The following RASEF variants were observed in gnomAD, a reference collection of about 807,000 sequenced individuals.
RASEF encodes ras and EF-hand domain-containing protein.
Under a neutral mutation model 90.1 loss-of-function variants are expected in RASEF, and 68 were observed. The observed-to-expected ratio is 0.75, with a 90% CI of 0.62 to 0.92. The LOEUF is 0.92. Ranked by LOEUF, RASEF falls within the 40% of genes least tolerant of loss-of-function variation. RASEF has a pLI of 0.00. For synonymous variants in RASEF, 331 were observed against 345.2 expected (o/e 0.96, Z 0.46); for missense variants, 949 against 937.2 (o/e 1.01, Z -0.16).
chr9:83,084,509 T>G, the RASEF span, among the ~76,000 whole-genome samples: 7 of 152,202 alleles, frequency 4.6e-5, no homozygotes, highest in African/African-American at 1.7e-4. Context: ...TCCTATTTGT[T>G]AGGTGGGAAT....
the RASEF span, among the ~76,000 whole-genome samples, chr9:83,196,959 A>G: frequency 2.6e-5 from 4 of 152,238 alleles, no homozygotes. Flanking sequence ...TGACGAACAT[A>G]TGGTTCCCTA....
At chr9:83,143,784 G>A in the RASEF span, among the ~76,000 whole-genome samples, 9 of 152,142 alleles carry the variant, frequency 5.9e-5, no homozygotes, top group Non-Finnish European at 1.5e-5. Context: ...GCTACCATTC[G>A]GCCTAGCAAT....
At chr9:83,109,317 G>C in the RASEF span, among the ~76,000 whole-genome samples, 1 of 152,196 alleles carries the variant, frequency 6.6e-6, no homozygotes, top group Non-Finnish European at 1.5e-5. Context: ...GGAGCAACGT[G>C]ATAGTTTATG....
chr9:82,995,901 T>G (rs879425873), intron 14 of RASEF, among the ~76,000 whole-genome samples: 1 of 152,176 alleles, frequency 6.6e-6, no homozygotes, highest in Admixed American at 6.5e-5. Flanking sequence ...GCCTCAAGTT[T>G]CTCATAAAAA....
At chr9:83,007,842 G>A (rs1180691910) in intron 6 of RASEF, among the ~76,000 whole-genome samples, 3 of 152,086 alleles carry the variant, frequency 2.0e-5, no homozygotes, top group African/African-American at 7.2e-5. Flanking sequence ...TCTCCACGAG[G>A]GCTGAACCTC....
chr9:83,212,671 T>C, the RASEF span, among the ~76,000 whole-genome samples: 1 of 152,224 alleles, frequency 6.6e-6, no homozygotes, highest in African/African-American at 2.4e-5. Flanking sequence ...AAATAAGCTT[T>C]GCCTCCCAGC....
the RASEF span, among the ~76,000 whole-genome samples, chr9:83,203,362 G>A: frequency 2.2e-4 from 34 of 151,336 alleles, no homozygotes; most frequent in East Asian, 5.8e-3. Flanking sequence ...TGCTACCTAC[G>A]CCTCCCAGGT....
At chr9:83,048,516 G>C in intron 1 of RASEF, 1 of 985,004 alleles carries the variant, frequency 1.0e-6, no homozygotes, top group Non-Finnish European at 1.2e-6. Flanking sequence ...TGCAGTCCTG[G>C]GCATACAGTG....
At chr9:83,144,434 G>GAAAGAAAGAAAGAAA in the RASEF span, among the ~76,000 whole-genome samples, 1 of 118,102 alleles carries the variant, frequency 8.5e-6, no homozygotes, top group African/African-American at 3.4e-5. Flanking sequence ...AAGAAAGAAA[G>GAAAGAAAGAAAGAAA]GAAAAGAAAA....
the RASEF span, among the ~76,000 whole-genome samples, chr9:83,184,404 T>G: frequency 6.6e-6 from 1 of 152,310 alleles, no homozygotes; most frequent in African/African-American, 2.4e-5. Context: ...CGGTGTTAGC[T>G]TGTGGGGAAT....
At chr9:83,118,291 A>G in the RASEF span, among the ~76,000 whole-genome samples, 1 of 152,172 alleles carries the variant, frequency 6.6e-6, no homozygotes, top group Non-Finnish European at 1.5e-5. Context: ...GTTATATCAC[A>G]GTAATATTTT....
chr9:83,154,608 T>C, the RASEF span, among the ~76,000 whole-genome samples: 1 of 152,182 alleles, frequency 6.6e-6, no homozygotes. Flanking sequence ...AGTCAGGAAC[T>C]TCTAAAGCAC....
At chr9:83,007,093 C>CAAT (rs1829148491) in intron 7 of RASEF, among the ~76,000 whole-genome samples, 1 of 127,204 alleles carries the variant, frequency 7.9e-6, no homozygotes, top group African/African-American at 2.9e-5. Context: ...GACTCTGTCT[C>CAAT]AAAAAAAAAA....
chr9:83,009,533 TATTA>T, intron 6 of RASEF, 104 bp downstream of exon 6: 1 of 544,568 alleles, frequency 1.8e-6, no homozygotes, highest in East Asian at 2.9e-5. Context: ...GTAAAGAAGA[TATTA>T]GCAAAGTTAC....
the RASEF span, among the ~76,000 whole-genome samples, chr9:83,082,660 A>T: frequency 6.6e-6 from 1 of 152,216 alleles, no homozygotes; most frequent in African/African-American, 2.4e-5. Context: ...AAACTGTAAC[A>T]GGGTTTAAAC....
the RASEF span, among the ~76,000 whole-genome samples, chr9:83,132,677 T>C: frequency 1.3e-5 from 2 of 152,200 alleles, no homozygotes; most frequent in Non-Finnish European, 2.9e-5. Context: ...ATGTTCATCT[T>C]CAAGACTGAC....
At chr9:83,099,953 T>C in the RASEF span, among the ~76,000 whole-genome samples, 2 of 152,230 alleles carry the variant, frequency 1.3e-5, no homozygotes, top group Admixed American at 1.3e-4. Flanking sequence ...ATTTAAGCAA[T>C]AGCACAGCAT....
chr9:83,205,078 G>A, the RASEF span, among the ~76,000 whole-genome samples: 4 of 152,168 alleles, frequency 2.6e-5, no homozygotes, highest in African/African-American at 7.2e-5. Context: ...TTCATCTTCC[G>A]TATGCCAACA....
At chr9:83,126,160 A>T in the RASEF span, among the ~76,000 whole-genome samples, 1 of 152,146 alleles carries the variant, frequency 6.6e-6, no homozygotes, top group East Asian at 1.9e-4. Flanking sequence ...GTACCCCAAA[A>T]TTCTTATGTT....
Sources: allele counts gnomAD v4.1 joint callset (sites outside exome capture counted in the v4.1 genomes callset), GRCh38; gene constraint gnomAD v4.1.1; transcripts MANE v1.5; gene names NCBI Gene and HGNC (gene_info 2026-07-23, HGNC 2026-07-21).